CRYAB: variants seen among roughly 807,000 people sequenced by gnomAD.
The protein encoded by CRYAB is alpha-crystallin B chain.
CRYAB carries 9 observed loss-of-function variants against 12.7 expected under a neutral mutation model. That is an observed-to-expected ratio of 0.71 (90% confidence interval 0.43 to 1.24). The LOEUF is 1.24. Among genes scored for constraint, CRYAB ranks in the 50% most tolerant of loss-of-function variants. The pLI, the probability that CRYAB is intolerant of heterozygous loss-of-function variation, is 0.00. For synonymous variants in CRYAB, 93 were observed against 86.8 expected, an observed-to-expected ratio of 1.07 and a Z score of -0.40; for missense variants, 183 against 226.6, an observed-to-expected ratio of 0.81 and a Z score of 1.24.
At chr11:111,913,756 CCCATGAT>C (rs1592513163), upstream of CRYAB, 1 of 1,614,076 alleles carries the variant, frequency 6.2e-7, no homozygotes, top group South Asian at 1.1e-5. Flanking sequence ...GCTGCTCTCT[CCCATGAT>C]GGCATCTTAA....
Position 111,908,885 on chromosome 11 carries a change from G to A in CRYAB, c.407C>T (p.Ser136Phe). 6.2e-7 allele frequency: 1 copy of A among 1,614,186 alleles called. No individual in the cohort carries two copies. Residue 136 changes from serine (S) to phenylalanine (F), a missense_variant, in exon 3 of 3, where the codon TCC (serine) becomes TTC (phenylalanine). Physicochemically the swap from Ser to Phe is radical, Grantham distance 155. This residue lies in a region of CRYAB where 95 missense variants were observed against 112.5 expected (regional missense o/e 0.84). Transcript: ENST00000650687. ...ADVDPLTITSSLSSDGVLTVN... is the reference protein window; with the variant it reads ...ADVDPLTITSFLSSDGVLTVN... Reference sequence around the variant, plus strand: ...AGTGAGGACCCCATCAGATGACAGGGATGAAGTAATGGTGAGAGGGTCTAC... The same window carrying A: ...AGTGAGGACCCCATCAGATGACAGGAATGAAGTAATGGTGAGAGGGTCTAC...
chr11:111,918,806 C>T (rs1251052483), intron 1 of CRYAB: 7 of 740,620 alleles, frequency 9.5e-6, no homozygotes, highest in Non-Finnish European at 1.7e-5. Context: ...AACACAGTCA[C>T]CTGGGAATCA....
At chr11:111,912,374 G>C (rs2234702), upstream of CRYAB, 1,045 of 182,470 alleles carry the variant, frequency 5.7e-3, 7 homozygotes, top group Non-Finnish European at 0.01. Flanking sequence ...TGCATCTTTC[G>C]TTCTATGTGG....
At chr11:111,913,266 C>T, upstream of CRYAB, 5 of 634,090 alleles carry the variant, frequency 7.9e-6, no homozygotes, top group Non-Finnish European at 1.1e-5. Context: ...CGTTCTCTTT[C>T]CCCTCTTCCG....
upstream of CRYAB, among the ~76,000 whole-genome samples, chr11:111,916,948 T>G (rs1965605339): frequency 6.6e-6 from 1 of 152,064 alleles, no homozygotes; most frequent in Non-Finnish European, 1.5e-5. Flanking sequence ...ACCCTCAAAC[T>G]TTCTTGCTCA....
chr11:111,917,694 T>TA (rs1965618777), upstream of CRYAB, among the ~76,000 whole-genome samples: 2 of 151,026 alleles, frequency 1.3e-5, no homozygotes, highest in African/African-American at 4.9e-5. Context: ...TTTTTTTTTT[T>TA]AATTAGCTAG....
At chr11:111,918,559 T>TTAAAACTC (rs1965632606) in intron 1 of CRYAB, 3 of 496,002 alleles carry the variant, frequency 6.0e-6, no homozygotes, top group Non-Finnish European at 1.1e-5. Flanking sequence ...TAAACCTGAG[T>TTAAAACTC]GGTGCTGAGC....
upstream of CRYAB, chr11:111,912,521 C>T: frequency 2.1e-6 from 1 of 479,882 alleles, no homozygotes; most frequent in Admixed American, 3.5e-5. Context: ...CCCCAGGCAC[C>T]ACCAGCTCCC....
Position 111,911,689 on chromosome 11 carries a change from G to A in CRYAB, c.36C>T (p.Arg12=), listed in dbSNP as rs1592509959. The change falls in exon 1 of 3, where the codon CGC becomes CGT. Residue 12 remains arginine, a synonymous_variant. Coordinates refer to ENST00000650687, the MANE Select transcript of CRYAB (RefSeq NM_001289808.2). ...DIAIHHPWIR[R]PFFPFHSPSR... The stretch of plus-strand genomic sequence containing the variant: ...TGGGGGAGTGGAAAGGAAAGAAGGG[G>A]CGGCGGATCCAGGGGTGGTGGATGG... 6.2e-7 allele frequency: 1 copy of A among 1,602,014 alleles called. No homozygotes were observed. Among genetic ancestry groups the A allele is most frequent in the Non-Finnish European group, 8.5e-7 (1 of 1,174,536 alleles).
Position 111,909,993 on chromosome 11 carries a change from GGTCTGGA to G in CRYAB, c.324+327_324+333del, listed in dbSNP as rs1438884780. The G allele has an allele frequency of 1.2e-5, 7 of 605,692 alleles. No homozygotes were observed. The Admixed American group carries it at 2.0e-4, about 17-fold the overall frequency. The allele number at this position is 605,692 out of a possible 1,614,324, so 37.5% of individuals were successfully genotyped here. A position where few individuals can be genotyped will look rare whatever the true frequency, so the allele number is the denominator to read the frequency against. ...CGCTTCGGCAGCACATATGCTAATTGGTCTGGAGTATGCCCGAGCATTAGGTTTTTTG... is the reference window on the plus strand; with the variant it reads ...CGCTTCGGCAGCACATATGCTAATTGGTATGCCCGAGCATTAGGTTTTTTG... On this transcript the variant is annotated intron_variant, in intron 2 of 2. Coordinates refer to ENST00000650687, the MANE Select transcript of CRYAB (RefSeq NM_001289808.2).
In CRYAB at chr11:111,908,896, G is replaced by A. The variant is rs782301826; in HGVS notation, c.396C>T (p.Thr132=). 2 of 1,614,154 alleles carry A rather than the reference G, an allele frequency of 1.2e-6. No homozygotes were observed. Among genetic ancestry groups the A allele is most frequent in the South Asian group, 2.2e-5 (2 of 91,080 alleles). The change falls in exon 3 of 3, where the codon ACC becomes ACT. Residue 132 remains threonine, a synonymous_variant. Transcript: ENST00000650687. ...YRIPADVDPL[T]ITSSLSSDGV... ...CATCAGATGACAGGGATGAAGTAAT[G>A]GTGAGAGGGTCTACATCAGCTGGGA...
upstream of CRYAB, among the ~76,000 whole-genome samples, chr11:111,914,670 A>G (rs1566417374): frequency 6.6e-6 from 1 of 152,190 alleles, no homozygotes; most frequent in Non-Finnish European, 1.5e-5. Flanking sequence ...ATTCTCTGCA[A>G]TCAAGAGAAC....
At chr11:111,921,057 T>C (rs11214043) in intron 1 of CRYAB, among the ~76,000 whole-genome samples, 46,309 of 152,192 alleles carry the variant, frequency 0.3, 7,967 homozygotes, top group East Asian at 0.58. Context: ...CGTAAATTCC[T>C]GGTCCTGGTT....
At chr11:111,911,412 G>T in intron 1 of CRYAB, 112 bp downstream of exon 1, 1 of 1,069,986 alleles carries the variant, frequency 9.3e-7, no homozygotes, top group Non-Finnish European at 1.4e-6. Context: ...CTTCACATTT[G>T]GACACACATG....
At chr11:111,916,867 T>C (rs1555166150), upstream of CRYAB, among the ~76,000 whole-genome samples, 1 of 151,834 alleles carries the variant, frequency 6.6e-6, no homozygotes, top group Non-Finnish European at 1.5e-5. Flanking sequence ...TTCTTTTCTT[T>C]TTTTTTTTAG....
At chr11:111,917,312 GAGA>G (rs1555166173), upstream of CRYAB, among the ~76,000 whole-genome samples, 1 of 152,172 alleles carries the variant, frequency 6.6e-6, no homozygotes, top group Non-Finnish European at 1.5e-5. Flanking sequence ...GAACTGGGAG[GAGA>G]AGGAGTGGGT....
intron 1 of CRYAB, 91 bp downstream of exon 1, chr11:111,911,433 G>A: frequency 1.5e-6 from 2 of 1,316,444 alleles, no homozygotes; most frequent in Non-Finnish European, 1.1e-6. Flanking sequence ...TGCCTAAAAT[G>A]GTTTAGGCAG....
At chr11:111,909,009 A>G (rs1555165275) in intron 2 of CRYAB, 42 bp from the exon 3 acceptor site, 1 of 1,603,258 alleles carries the variant, frequency 6.2e-7, no homozygotes. Context: ...AGATAAGAAC[A>G]GGAACTATTA....
intron 1 of CRYAB, chr11:111,918,938 T>C: frequency 1.9e-6 from 3 of 1,613,932 alleles, no homozygotes; most frequent in Non-Finnish European, 2.5e-6. Context: ...TCTTGATGCA[T>C]AAAAACAGCT....
Sources: gnomAD v4.1 joint callset for allele counts (sites outside exome capture counted in the v4.1 genomes callset) on GRCh38, gnomAD v4.1.1 for gene constraint, gnomAD v4.1.1 regional missense constraint, MANE v1.5 for transcripts, NCBI Gene and HGNC (gene_info 2026-07-23, HGNC 2026-07-21) for gene names.